The following DIP2B variants were observed in gnomAD, a reference collection of about 807,000 sequenced individuals.
DIP2B encodes the protein DIP2 acetate--CoA ligase B (putative).
In DIP2B, 76 loss-of-function variants were observed where a neutral mutation model predicts 198.0. The ratio of observed to expected loss-of-function variants is 0.38; its 90% CI spans 0.32 to 0.46. DIP2B has a LOEUF of 0.46. Among genes scored for constraint, DIP2B ranks in the 20% least tolerant of loss-of-function variants. The pLI is 0.99. For synonymous variants in DIP2B, 701 were observed against 739.1 expected, an observed-to-expected ratio of 0.95 and a Z score of 0.84; for missense variants, 1,559 against 1,978.4, an observed-to-expected ratio of 0.79 and a Z score of 4.02.
In DIP2B at chr12:50,509,319, A is replaced by T. The variant is rs903830290; in HGVS notation, c.100+4079A>T. Among the ~76,000 whole-genome samples, 3 of 152,226 alleles carry T rather than the reference A, an allele frequency of 2.0e-5. No individual in the cohort carries two copies. In the East Asian group the frequency reaches 5.8e-4, roughly 29 times the overall value. On this transcript the variant is annotated intron_variant, in intron 1 of 37. Transcript: ENST00000301180. ...TGTGTGGCTAGTAGAGCGGGCTATAATTTAGCCTGTGCAGTTCAGCCATAA... is the reference window on the plus strand; with the variant it reads ...TGTGTGGCTAGTAGAGCGGGCTATATTTTAGCCTGTGCAGTTCAGCCATAA...
intron 16 of DIP2B, 107 bp from the exon 17 acceptor site, chr12:50,696,954 T>C (rs1040521443): frequency 6.1e-5 from 47 of 765,008 alleles, no homozygotes; most frequent in Admixed American, 2.8e-5. Flanking sequence ...ATATACAATA[T>C]GAGTTCTCAT....
chr12:50,599,036 TCCCAGCA>T (rs1432247718), intron 1 of DIP2B, among the ~76,000 whole-genome samples: 2 of 135,728 alleles, frequency 1.5e-5, no homozygotes, highest in African/African-American at 5.6e-5. Flanking sequence ...AGGCCTGTAA[TCCCAGCA>T]CTCTGGGAGT....
At chr12:50,624,372 G>C (rs1937890508) in intron 1 of DIP2B, among the ~76,000 whole-genome samples, 1 of 152,052 alleles carries the variant, frequency 6.6e-6, no homozygotes, top group African/African-American at 2.4e-5. Flanking sequence ...TTGCTCCATT[G>C]CCTAGGCTGG....
chr12:50,683,896 G>A (rs887730580), intron 10 of DIP2B, among the ~76,000 whole-genome samples: 1 of 152,172 alleles, frequency 6.6e-6, no homozygotes, highest in Non-Finnish European at 1.5e-5. Context: ...CGGGTTGCGT[G>A]AGCCCAGAAG....
At chr12:50,593,940 A>T (rs1446632457) in intron 1 of DIP2B, among the ~76,000 whole-genome samples, 2 of 93,834 alleles carry the variant, frequency 2.1e-5, no homozygotes, top group Middle Eastern at 4.9e-3. Context: ...CTCTTTTCTT[A>T]TCTTTTCTTT....
Position 50,706,164 on chromosome 12 carries a change from G to T in DIP2B, c.2407-374G>T, listed in dbSNP as rs555125065. Among the ~76,000 whole-genome samples the T allele has an allele frequency of 3.6e-4, 55 of 152,262 alleles. 1 individual carries two copies. Among genetic ancestry groups the T allele is most frequent in the Middle Eastern group, 3.4e-3 (1 of 294 alleles). ...TCTCCTCCTAATTCCAACAGTAAAT[G>T]AATACATTTTTCTTCCTCTGTATCC... is the stretch of plus-strand genomic sequence containing the variant. On this transcript the variant is annotated intron_variant, in intron 20 of 37. Transcript: ENST00000301180.
At chr12:50,704,397 C>T (rs961314856) in intron 20 of DIP2B, among the ~76,000 whole-genome samples, 177 bp downstream of exon 20, 1 of 152,174 alleles carries the variant, frequency 6.6e-6, no homozygotes, top group African/African-American at 2.4e-5. Flanking sequence ...TTTCCACTAC[C>T]CAAGTTCATT....
At chr12:50,669,225 A>G (rs1938807727) in intron 4 of DIP2B, among the ~76,000 whole-genome samples, 1 of 152,094 alleles carries the variant, frequency 6.6e-6, no homozygotes, top group Admixed American at 6.5e-5. Context: ...AAGCCTTTTT[A>G]GGGCACTTAC....
Position 50,731,370 on chromosome 12 carries a change from G to A in DIP2B, c.3643G>A (p.Val1215Ile), listed in dbSNP as rs756533354. Residue 1215 changes from valine to isoleucine, a missense_variant and splice_region_variant, in exon 31 of 38, where the codon GTC becomes ATC. Physicochemically the swap from Val to Ile is conservative, Grantham distance 29. Coordinates refer to ENST00000301180, the MANE Select transcript of DIP2B (RefSeq NM_173602.3). ...LGFALWCLCS[V>I]YSGHQSVLIP... ...CAGCTCTTGTCTCTTTCACTGCAGTGTCTATTCAGGCCACCAGTCTGTCTT... is the reference window on the plus strand; with the variant it reads ...CAGCTCTTGTCTCTTTCACTGCAGTATCTATTCAGGCCACCAGTCTGTCTT... 7.4e-6 allele frequency: 12 copies of A among 1,613,452 alleles called. No individual in the cohort carries two copies. The highest frequency in any genetic ancestry group is 9.3e-6 in the Non-Finnish European group (11 of 1,179,638).
intron 1 of DIP2B, among the ~76,000 whole-genome samples, chr12:50,571,160 T>C (rs2139407648): frequency 6.7e-6 from 1 of 150,112 alleles, no homozygotes; most frequent in African/African-American, 2.5e-5. Flanking sequence ...TATGTTATTA[T>C]TGGCAGCCTC....
At chr12:50,669,677 G>A (rs1156781820) in intron 4 of DIP2B, among the ~76,000 whole-genome samples, 1 of 152,054 alleles carries the variant, frequency 6.6e-6, no homozygotes, top group African/African-American at 2.4e-5. Flanking sequence ...CACCTACCTC[G>A]GCCTCCCAAA....
At chr12:50,655,606 G>T (rs1938541089) in intron 3 of DIP2B, among the ~76,000 whole-genome samples, 3 of 152,218 alleles carry the variant, frequency 2.0e-5, no homozygotes, top group African/African-American at 2.4e-5. Context: ...TTAACTATAT[G>T]TCCTCAGTCT....
chr12:50,730,540 T>G (rs2139597046), intron 30 of DIP2B, among the ~76,000 whole-genome samples: 1 of 152,036 alleles, frequency 6.6e-6, no homozygotes, highest in African/African-American at 2.4e-5. Context: ...CCACCACGCC[T>G]GGCTAATTGT....
In DIP2B at chr12:50,678,672, G is replaced by C. The variant is rs773516278; in HGVS notation, c.917-7G>C. The C allele has an allele frequency of 1.2e-6, 2 of 1,611,604 alleles. No homozygotes were observed. Among genetic ancestry groups the C allele is most frequent in the South Asian group, 2.2e-5 (2 of 90,884 alleles). ...TCATTTCACTCATTGGGATTTTCCTGGTACAGTACCTCAGCCAGACCCCAA... is the reference window on the plus strand; with the variant it reads ...TCATTTCACTCATTGGGATTTTCCTCGTACAGTACCTCAGCCAGACCCCAA... On this transcript the variant is annotated splice_polypyrimidine_tract_variant and splice_region_variant and intron_variant, in intron 7 of 37. Coordinates refer to ENST00000301180, the MANE Select transcript of DIP2B (RefSeq NM_173602.3).
At chr12:50,577,963 T>C (rs1593624358) in intron 1 of DIP2B, among the ~76,000 whole-genome samples, 1 of 152,236 alleles carries the variant, frequency 6.6e-6, no homozygotes, top group Non-Finnish European at 1.5e-5. Context: ...ATTATGAAAC[T>C]ATATCAGTTA....
At chr12:50,656,078 GGAAT>G (rs1938549754) in intron 3 of DIP2B, among the ~76,000 whole-genome samples, 1 of 152,074 alleles carries the variant, frequency 6.6e-6, no homozygotes, top group Admixed American at 6.5e-5. Flanking sequence ...ATTAGAGAAG[GGAAT>G]TATAAGTGGA....
chr12:50,529,264 C>G (rs181124701), intron 1 of DIP2B, among the ~76,000 whole-genome samples: 5 of 152,124 alleles, frequency 3.3e-5, no homozygotes, highest in Admixed American at 2.0e-4. Context: ...GCAACTCTTG[C>G]CTGTACGACA....
intron 3 of DIP2B, among the ~76,000 whole-genome samples, chr12:50,641,747 A>G (rs763820385): frequency 6.6e-6 from 1 of 152,114 alleles, no homozygotes; most frequent in South Asian, 2.1e-4. Context: ...TGTGGCTTTG[A>G]TAAGCAGAGG....
chr12:50,539,305 G>A (rs1263666951), intron 1 of DIP2B, among the ~76,000 whole-genome samples: 1 of 150,436 alleles, frequency 6.6e-6, no homozygotes, highest in African/African-American at 2.4e-5. Flanking sequence ...ATCTCTTATG[G>A]AATATTACAT....
Sources: allele counts gnomAD v4.1 joint callset (sites outside exome capture counted in the v4.1 genomes callset), GRCh38; gene constraint gnomAD v4.1.1; transcripts MANE v1.5; gene names NCBI Gene and HGNC (gene_info 2026-07-23, HGNC 2026-07-21).